Variants in OGDH observed in about 807,000 individuals in gnomAD.
OGDH encodes oxoglutarate dehydrogenase, also known as 2-oxoglutarate dehydrogenase complex component E1.
Under a neutral mutation model 116.6 loss-of-function variants are expected in OGDH, and 38 were observed. The observed-to-expected ratio is 0.33, with a 90% CI of 0.25 to 0.43. The LOEUF (loss-of-function observed/expected upper bound fraction) is 0.43, where lower values mean the gene tolerates loss of function less well. Among genes scored for constraint, OGDH ranks in the 20% least tolerant of loss-of-function variants. OGDH has a pLI of 1.00. For missense variants in OGDH, 825 were observed against 1,357.2 expected, an observed-to-expected ratio of 0.61 and a Z score of 6.16; for synonymous variants, 488 against 533.3, an observed-to-expected ratio of 0.92 and a Z score of 1.17.
At chr7:44,656,488 G>A in intron 4 of OGDH, 2 of 814,392 alleles carry the variant, frequency 2.5e-6, no homozygotes, top group Non-Finnish European at 3.9e-6. Context: ...TTTTAAGTTT[G>A]TTAATTGTTC....
chr7:44,668,454 A>C (rs866163622), intron 5 of OGDH, among the ~76,000 whole-genome samples: 11 of 151,556 alleles, frequency 7.3e-5, no homozygotes, highest in African/African-American at 1.5e-4. Flanking sequence ...ACAAAAAAAA[A>C]CTGAGTGTCC....
intron 5 of OGDH, among the ~76,000 whole-genome samples, chr7:44,672,455 G>A (rs569723970): frequency 6.6e-6 from 1 of 152,234 alleles, no homozygotes; most frequent in African/African-American, 2.4e-5. Context: ...AGTTAGAGGA[G>A]GCTTTGGGGG....
Position 44,708,312 on chromosome 7 carries a change from A to C in OGDH, c.*313A>C. ...GTCAGCTCTGGCCACAATCCTCCCC[A>C]CCAGTCTCACCCACTAGGATAGGAA... On this transcript the variant is annotated 3_prime_UTR_variant, in exon 23 of 23. Coordinates refer to ENST00000222673, the MANE Select transcript of OGDH (RefSeq NM_002541.4). The C allele has an allele frequency of 3.5e-6, 1 of 289,738 alleles. No individual in the cohort carries two copies. The highest frequency in any genetic ancestry group is 6.6e-6 in the Non-Finnish European group (1 of 151,910). The allele number at this position is 289,738 out of a possible 1,614,324, so 17.9% of individuals were successfully genotyped here.
At chr7:44,659,499 A>T (rs1176952806) in intron 4 of OGDH, among the ~76,000 whole-genome samples, 3 of 152,238 alleles carry the variant, frequency 2.0e-5, no homozygotes, top group Admixed American at 6.5e-5. Flanking sequence ...AGAATTTTCC[A>T]GCAAAATCAT....
intron 2 of OGDH, among the ~76,000 whole-genome samples, chr7:44,641,209 C>CTT (rs781147896): frequency 6.2e-4 from 67 of 108,574 alleles, no homozygotes; most frequent in Non-Finnish European, 9.2e-4. Flanking sequence ...CCTTTTTCTT[C>CTT]TTTTTTTTTT....
In OGDH at chr7:44,707,750, C is replaced by A. The variant is rs377738475; in HGVS notation, c.2951+14C>A. The A allele has an allele frequency of 1.6e-5, 26 of 1,614,026 alleles. No individual in the cohort carries two copies. In the African/African-American group the frequency reaches 2.4e-4, roughly 15 times the overall value. ...CAAGCCCGTCTGGTAAGGCTTCAGT[C>A]CCTGCCAGGAAGGCTGTGGGACCCT... On this transcript the variant is annotated intron_variant, in intron 22 of 22. Coordinates refer to ENST00000222673, the MANE Select transcript of OGDH (RefSeq NM_002541.4). The surrounding 1 kb of genome is among the most constrained non-coding windows in gnomAD (Gnocchi z 5.2).
In OGDH at chr7:44,619,307, C is replaced by T. The variant is rs114356090; in HGVS notation, c.-27-5010C>T. 2.9e-3 allele frequency among the ~76,000 whole-genome samples: 436 copies of T among 152,250 alleles called. 1 individual carries two copies. Among genetic ancestry groups the T allele is most frequent in the African/African-American group, 1.0e-2 (414 of 41,556 alleles). On this transcript the variant is annotated intron_variant, in intron 1 of 22. Coordinates refer to ENST00000222673, the MANE Select transcript of OGDH (RefSeq NM_002541.4). ...TACAAGTAAGACAACTGGGGGCTTGCGATTGACATCGGAAGTAGGAGGCAG... is the reference window on the plus strand; with the variant it reads ...TACAAGTAAGACAACTGGGGGCTTGTGATTGACATCGGAAGTAGGAGGCAG...
chr7:44,656,304 A>G, intron 4 of OGDH: 1 of 1,535,432 alleles, frequency 6.5e-7, no homozygotes, highest in Non-Finnish European at 8.7e-7. Context: ...ATGATACCCC[A>G]CTCTGCCTCT....
At position 44,673,687 on chromosome 7, in the gene OGDH, C is replaced by A. The variant is rs1040342770; in HGVS notation, c.634-100C>A. On this transcript the variant is annotated intron_variant, in intron 5 of 22. Transcript: ENST00000222673. ...TGGAGTACATTTCAGAACAAGCCTCCTGCTTATCCCCTCCTTCTGGCTGAA... is the reference window on the plus strand; with the variant it reads ...TGGAGTACATTTCAGAACAAGCCTCATGCTTATCCCCTCCTTCTGGCTGAA... 3.8e-5 allele frequency: 45 copies of A among 1,193,266 alleles called. No individual in the cohort carries two copies. In the African/African-American group the frequency reaches 4.8e-4, roughly 13 times the overall value. 73.9% of individuals were successfully genotyped at this position (1,193,266 alleles called of 1,614,324 possible).
In OGDH at chr7:44,674,560, A is replaced by G. The variant is rs1027318581; in HGVS notation, c.935+3A>G. ...GTGATCATGGGCATGCCACACAGGT[A>G]CAGCCAAGGGCGCGCCCAACCTGGT... On this transcript the variant is annotated splice_donor_region_variant and intron_variant, in intron 7 of 22. Transcript: ENST00000222673. 1 of 1,613,790 alleles carries G rather than the reference A, an allele frequency of 6.2e-7. No individual in the cohort carries two copies. The highest frequency in any genetic ancestry group is 8.5e-7 in the Non-Finnish European group (1 of 1,179,944).
intron 2 of OGDH, among the ~76,000 whole-genome samples, chr7:44,633,296 C>T (rs1047945105): frequency 7.3e-5 from 11 of 149,702 alleles, no homozygotes; most frequent in Non-Finnish European, 8.9e-5. Context: ...AAAGTAGACT[C>T]CAAGAGTGAA....
At chr7:44,667,348 T>C (rs889300081) in intron 5 of OGDH, among the ~76,000 whole-genome samples, 3 of 152,184 alleles carry the variant, frequency 2.0e-5, no homozygotes, top group Admixed American at 2.0e-4. Flanking sequence ...GGGAAGTAAA[T>C]TCTGCTTTCA....
At chr7:44,613,097 C>T (rs145678258) in intron 1 of OGDH, among the ~76,000 whole-genome samples, 7,221 of 151,536 alleles carry the variant, frequency 0.048, 449 homozygotes, top group East Asian at 0.26. Flanking sequence ...AGGATGGTCT[C>T]GATCTCCTGA....
At chr7:44,686,322 C>G (rs950213556) in intron 10 of OGDH, among the ~76,000 whole-genome samples, 44 of 152,108 alleles carry the variant, frequency 2.9e-4, no homozygotes, top group Non-Finnish European at 1.2e-4. Context: ...TAGGGGAGTT[C>G]CCTTCTGTCT....
intron 3 of OGDH, among the ~76,000 whole-genome samples, chr7:44,646,316 C>T (rs986204372): frequency 2.0e-5 from 3 of 152,214 alleles, no homozygotes; most frequent in Admixed American, 1.3e-4. Context: ...CAAGGGGACT[C>T]ATGTCCCTGG....
chr7:44,614,303 G>GTTTTTTTTTT (rs1223054626), intron 1 of OGDH, among the ~76,000 whole-genome samples: 5 of 112,646 alleles, frequency 4.4e-5, no homozygotes, highest in Non-Finnish European at 7.6e-5. Context: ...GGTTTTTTTT[G>GTTTTTTTTTT]TTTTTTTTGT....
Position 44,645,334 on chromosome 7 carries a change from A to G in OGDH, c.230A>G (p.Asp77Gly). ...TACCTTCTTTGTCTTTAGTCATGGGACATTTTTTTTCGCAACACGAATGCC... is the reference window on the plus strand; with the variant it reads ...TACCTTCTTTGTCTTTAGTCATGGGGCATTTTTTTTCGCAACACGAATGCC... ...ENPKSVHKSW[D>G]IFFRNTNAGA... The change falls in exon 3 of 23, where the codon GAC becomes GGC. Residue 77 changes from aspartate (D) to glycine (G), a missense_variant. Around this residue, in one of 7 missense-constraint regions of OGDH, gnomAD observed 126 missense variants for 130.4 expected, o/e 0.97. Transcript: ENST00000222673. 1 of 1,613,902 alleles carries G rather than the reference A, an allele frequency of 6.2e-7. No individual in the cohort carries two copies. Among genetic ancestry groups the G allele is most frequent in the Non-Finnish European group, 8.5e-7 (1 of 1,179,894 alleles).
intron 4 of OGDH, among the ~76,000 whole-genome samples, chr7:44,663,351 G>A (rs1787030882): frequency 6.6e-6 from 1 of 152,200 alleles, no homozygotes; most frequent in Admixed American, 6.5e-5. Flanking sequence ...CATTGAAATT[G>A]TTTGGGCCAG....
intron 4 of OGDH, among the ~76,000 whole-genome samples, chr7:44,651,744 T>C (rs558516838): frequency 1.4e-5 from 2 of 143,402 alleles, no homozygotes; most frequent in East Asian, 4.3e-4. Flanking sequence ...GTATTTTTAG[T>C]AGGGACCATG....
Sources: allele counts gnomAD v4.1 joint callset (sites outside exome capture counted in the v4.1 genomes callset), GRCh38; gene constraint gnomAD v4.1.1; regional missense constraint gnomAD v4.1.1; non-coding constraint Gnocchi (gnomAD v3.1); transcripts MANE v1.5; gene names NCBI Gene and HGNC (gene_info 2026-07-23, HGNC 2026-07-21).